The following FER1L6 variants were observed in gnomAD, a reference collection of about 807,000 sequenced individuals.
The protein encoded by FER1L6 is fer-1-like protein 6.
FER1L6 carries 177 observed loss-of-function variants against 219.2 expected under a neutral mutation model. The ratio of observed to expected loss-of-function variants is 0.81; its 90% CI spans 0.71 to 0.91. The LOEUF is 0.91. Among genes scored for constraint, FER1L6 ranks in the 40% least tolerant of loss-of-function variants. The pLI is 0.00. For missense variants in FER1L6, 2,153 were observed against 2,259.9 expected (o/e 0.95, Z 0.96); for synonymous variants, 768 against 824.3 (o/e 0.93, Z 1.17).
At chr8:123,918,858 AG>A (rs1443109527) in intron 1 of FER1L6, among the ~76,000 whole-genome samples, 1 of 152,188 alleles carries the variant, frequency 6.6e-6, no homozygotes, top group Non-Finnish European at 1.5e-5. Context: ...GATTCCTTTC[AG>A]TTTAACAAAC....
intron 10 of FER1L6, among the ~76,000 whole-genome samples, chr8:123,979,256 T>A (rs1816220429): frequency 6.6e-6 from 1 of 152,222 alleles, no homozygotes; most frequent in Non-Finnish European, 1.5e-5. Context: ...AGGGCCTGCG[T>A]GAAGCACTCA....
At chr8:123,911,069 A>G (rs1051919456) in intron 1 of FER1L6, among the ~76,000 whole-genome samples, 1 of 152,184 alleles carries the variant, frequency 6.6e-6, no homozygotes, top group Admixed American at 6.5e-5. Flanking sequence ...TTATGATGAC[A>G]GTGATGATGA....
rs1053960582 is a variant in FER1L6, at chr8:124,021,434, C to G, written c.2014-116C>G. 62 of 1,415,074 alleles carry G rather than the reference C, an allele frequency of 4.4e-5. No individual in the cohort carries two copies. In the African/African-American group the frequency reaches 7.0e-4, roughly 16 times the overall value. The allele number at this position is 1,415,074 out of a possible 1,614,324, so 87.7% of individuals were successfully genotyped here. ...GCACGGTGGCAGACCCTGGAACAGTCCACGTGAGTGACTCAGTGTGGAGCT... is the reference window on the plus strand; with the variant it reads ...GCACGGTGGCAGACCCTGGAACAGTGCACGTGAGTGACTCAGTGTGGAGCT... On this transcript the variant is annotated intron_variant, in intron 16 of 40. Coordinates refer to ENST00000522917, the MANE Select transcript of FER1L6 (RefSeq NM_001039112.2).
At chr8:124,092,828 G>C (rs1293241325) in intron 34 of FER1L6, among the ~76,000 whole-genome samples, 1 of 149,308 alleles carries the variant, frequency 6.7e-6, no homozygotes, top group Admixed American at 6.8e-5. Flanking sequence ...GCAGGACGAA[G>C]AGAGAAAGCG....
At chr8:123,922,632 C>A (rs1165948158) in intron 1 of FER1L6, among the ~76,000 whole-genome samples, 1 of 152,090 alleles carries the variant, frequency 6.6e-6, no homozygotes, top group Non-Finnish European at 1.5e-5. Context: ...CGTGGGCTCC[C>A]GTAGGCACCG....
chr8:123,900,564 G>C (rs147359720), intron 1 of FER1L6, among the ~76,000 whole-genome samples: 53 of 152,266 alleles, frequency 3.5e-4, no homozygotes, highest in African/African-American at 1.2e-3. Context: ...CCAGTTTTCA[G>C]AGGGGATGCT....
At chr8:123,925,436 C>A (rs981681436) in intron 1 of FER1L6, among the ~76,000 whole-genome samples, 1 of 152,176 alleles carries the variant, frequency 6.6e-6, no homozygotes, top group Non-Finnish European at 1.5e-5. Context: ...TGACCAACAT[C>A]CTGTCAGCTA....
chr8:123,943,150 A>G (rs910310936), intron 1 of FER1L6, among the ~76,000 whole-genome samples: 1 of 152,264 alleles, frequency 6.6e-6, no homozygotes, highest in East Asian at 1.9e-4. Flanking sequence ...TTGTAAAGGT[A>G]GCTAGAACTT....
rs573303524 is a variant in FER1L6, at chr8:123,970,263, G to C, written c.447+166G>C. ...CAGAACTTGAAATCACCAGTATGGA[G>C]GTGTCTGGGAAGAAAAACCACTTTA... On this transcript the variant is annotated intron_variant, in intron 6 of 40. Transcript: ENST00000522917. 2.0e-5 allele frequency among the ~76,000 whole-genome samples: 3 copies of C among 152,264 alleles called. No homozygotes were observed. The East Asian group carries it at 5.8e-4, about 29-fold the overall frequency.
chr8:123,928,181 T>C (rs757015332), intron 1 of FER1L6, among the ~76,000 whole-genome samples: 6 of 152,220 alleles, frequency 3.9e-5, no homozygotes, highest in Admixed American at 6.5e-5. Context: ...TTAAACTTTT[T>C]TGGAGCAAAA....
At chr8:124,086,012 T>G (rs2130926283) in intron 33 of FER1L6, among the ~76,000 whole-genome samples, 1 of 152,338 alleles carries the variant, frequency 6.6e-6, no homozygotes, top group East Asian at 1.9e-4. Context: ...CTATGTTGTT[T>G]TATAATCAGT....
chr8:124,019,939 C>T (rs1465765714), intron 16 of FER1L6, among the ~76,000 whole-genome samples: 1 of 152,148 alleles, frequency 6.6e-6, no homozygotes. Context: ...CTAGGAAGAA[C>T]ATTTGAGCAA....
At chr8:124,076,101 G>A (rs771704791) in intron 31 of FER1L6, 97 bp from the exon 32 acceptor site, 1 of 1,478,582 alleles carries the variant, frequency 6.8e-7, no homozygotes, top group Non-Finnish European at 9.2e-7. Flanking sequence ...AGAGACAGAA[G>A]TCAGGCATTA....
intron 1 of FER1L6, among the ~76,000 whole-genome samples, chr8:123,856,234 T>C (rs1181877683): frequency 9.1e-6 from 1 of 109,650 alleles, no homozygotes; most frequent in African/African-American, 3.2e-5. Context: ...GAGATATATG[T>C]ATATACATGT....
chr8:123,867,840 A>T (rs890701863), intron 1 of FER1L6, among the ~76,000 whole-genome samples: 22 of 152,172 alleles, frequency 1.4e-4, no homozygotes, highest in African/African-American at 4.6e-4. Flanking sequence ...TAACTTACTA[A>T]ATGCCCACCA....
At chr8:123,935,222 C>T (rs958571962) in intron 1 of FER1L6, among the ~76,000 whole-genome samples, 1 of 152,004 alleles carries the variant, frequency 6.6e-6, no homozygotes, top group Non-Finnish European at 1.5e-5. Flanking sequence ...TCAGTATGAG[C>T]TTATGGATTA....
At chr8:124,065,823 G>T (rs142989235) in intron 26 of FER1L6, among the ~76,000 whole-genome samples, 4 of 152,126 alleles carry the variant, frequency 2.6e-5, no homozygotes, top group Non-Finnish European at 1.5e-5. Context: ...CAGGACACCC[G>T]TCTTCTTCCA....
chr8:123,966,430 C>T (rs1339718987), intron 5 of FER1L6, 140 bp downstream of exon 5: 41 of 1,075,666 alleles, frequency 3.8e-5, no homozygotes, highest in Non-Finnish European at 5.2e-5. Context: ...CAAACTGATT[C>T]TTCTTACAAA....
intron 1 of FER1L6, among the ~76,000 whole-genome samples, chr8:123,866,703 A>C (rs1816843606): frequency 6.6e-6 from 1 of 152,162 alleles, no homozygotes; most frequent in African/African-American, 2.4e-5. Flanking sequence ...CTGCAGCCTC[A>C]AACTCTTGAG....
Sources: gnomAD v4.1 joint callset for allele counts (sites outside exome capture counted in the v4.1 genomes callset) on GRCh38, gnomAD v4.1.1 for gene constraint, MANE v1.5 for transcripts, NCBI Gene and HGNC (gene_info 2026-07-23, HGNC 2026-07-21) for gene names.